The following FRMPD4 variants were observed in gnomAD, a reference collection of about 807,000 sequenced individuals.
The protein encoded by FRMPD4 is FERM and PDZ domain-containing protein 4.
FRMPD4 carries 22 observed loss-of-function variants against 94.1 expected under a neutral mutation model. That is an observed-to-expected ratio of 0.23 (90% CI 0.17 to 0.33). FRMPD4 has a LOEUF of 0.33. FRMPD4 is among the 10% of genes least tolerant of loss of function. FRMPD4 has a pLI of 1.00. For synonymous variants in FRMPD4, 631 were observed against 548.6 expected (o/e 1.15, Z -2.10); for missense variants, 1,111 against 1,339.9 (o/e 0.83, Z 2.67).
intron 2 of FRMPD4, among the ~76,000 whole-genome samples, chrX:12,596,400 C>T (rs2059031276): frequency 1.8e-5 from 2 of 111,760 alleles, no homozygotes; most frequent in African/African-American, 6.5e-5. Flanking sequence ...TCTTTAATTA[C>T]TTTCATATTT....
chrX:12,482,430 C>T (rs756168331), intron 1 of FRMPD4, among the ~76,000 whole-genome samples: 4 of 111,773 alleles, frequency 3.6e-5, no homozygotes, highest in Non-Finnish European at 7.5e-5. Context: ...TTCTTGTGTT[C>T]ATTTAACAAA....
intron 2 of FRMPD4, among the ~76,000 whole-genome samples, chrX:12,533,993 C>T (rs756279980): frequency 9.8e-5 from 11 of 112,777 alleles, no homozygotes; most frequent in African/African-American, 2.6e-4. Flanking sequence ...AGAGTCTTCA[C>T]GGAATCCCCT....
chrX:12,091,978 T>TGGC (rs1359608998), intron 3 of FRMPD4, among the ~76,000 whole-genome samples: 2 of 111,848 alleles, frequency 1.8e-5, no homozygotes, highest in African/African-American at 6.5e-5. Flanking sequence ...GTGGTGGTGG[T>TGGC]GGCAGCTGGC....
intron 1 of FRMPD4, among the ~76,000 whole-genome samples, chrX:12,208,128 A>G (rs151333628): frequency 1.3e-3 from 150 of 111,894 alleles, no homozygotes; most frequent in Middle Eastern, 4.6e-3. Flanking sequence ...CACTTGTAAT[A>G]TAATGGTCTG....
At chrX:12,488,575 G>A (rs2057761050) in intron 1 of FRMPD4, among the ~76,000 whole-genome samples, 2 of 111,803 alleles carry the variant, frequency 1.8e-5, no homozygotes, top group Non-Finnish European at 3.8e-5. Context: ...GCAGGTATGT[G>A]ATGGGTTGAA....
At chrX:11,947,075 T>TAA (rs2054193234) in intron 3 of FRMPD4, among the ~76,000 whole-genome samples, 1 of 111,539 alleles carries the variant, frequency 9.0e-6, no homozygotes, top group Admixed American at 9.6e-5. Context: ...AATACACTCT[T>TAA]ACAGCCTGGG....
At chrX:12,678,678 A>G (rs1347396098) in intron 5 of FRMPD4, among the ~76,000 whole-genome samples, 5 of 111,904 alleles carry the variant, frequency 4.5e-5, no homozygotes, top group Non-Finnish European at 9.4e-5. Context: ...ATACAAAATT[A>G]GCCAGGTGTG....
intron 3 of FRMPD4, among the ~76,000 whole-genome samples, chrX:11,933,492 A>T: frequency 1.8e-5 from 2 of 112,864 alleles, no homozygotes; most frequent in East Asian, 5.6e-4. Flanking sequence ...AGTAGCAGTC[A>T]GCAAGGAAAA....
chrX:12,607,022 C>T (rs1180027710), intron 2 of FRMPD4, among the ~76,000 whole-genome samples: 1 of 111,382 alleles, frequency 9.0e-6, no homozygotes, highest in Non-Finnish European at 1.9e-5. Context: ...CATTGGGGTC[C>T]ACTGTGGGAG....
intron 1 of FRMPD4, among the ~76,000 whole-genome samples, chrX:11,830,983 G>T (rs943723671): frequency 1.8e-5 from 2 of 110,836 alleles, no homozygotes; most frequent in African/African-American, 6.6e-5. Flanking sequence ...AAGGAAGTAG[G>T]TTAATTCTTC....
At chrX:12,417,935 A>G (rs780521202) in intron 1 of FRMPD4, among the ~76,000 whole-genome samples, 125 of 98,442 alleles carry the variant, frequency 1.3e-3, no homozygotes, top group African/African-American at 4.3e-3. Context: ...CAGAGCTTGC[A>G]GTGAGCCAAG....
At chrX:12,223,964 A>G (rs1327643599) in intron 1 of FRMPD4, among the ~76,000 whole-genome samples, 1 of 110,831 alleles carries the variant, frequency 9.0e-6, no homozygotes, top group African/African-American at 3.3e-5. Flanking sequence ...CAGCCTCAGC[A>G]CTATTGACAT....
At chrX:12,692,365 T>C (rs2060087888) in intron 8 of FRMPD4, among the ~76,000 whole-genome samples, 1 of 112,572 alleles carries the variant, frequency 8.9e-6, no homozygotes, top group African/African-American at 3.2e-5. Context: ...TATATGCCTT[T>C]GAAATCAATG....
At chrX:12,322,328 C>G (rs1325709511) in intron 1 of FRMPD4, among the ~76,000 whole-genome samples, 1 of 111,206 alleles carries the variant, frequency 9.0e-6, no homozygotes, top group Non-Finnish European at 1.9e-5. Context: ...TATCTCCCAA[C>G]AAGGAAATAA....
intron 2 of FRMPD4, among the ~76,000 whole-genome samples, chrX:12,523,745 A>C (rs1034421008): frequency 2.7e-5 from 3 of 111,617 alleles, no homozygotes; most frequent in African/African-American, 9.8e-5. Flanking sequence ...TTTGCAATTC[A>C]TGAAACCGGG....
intron 3 of FRMPD4, among the ~76,000 whole-genome samples, chrX:12,024,154 G>T (rs1180881652): frequency 8.9e-6 from 1 of 111,800 alleles, no homozygotes; most frequent in East Asian, 2.8e-4. Flanking sequence ...AGCTCTGAAA[G>T]ATTGTCTTTT....
chrX:12,211,741 G>A (rs2056757243), intron 1 of FRMPD4, among the ~76,000 whole-genome samples: 1 of 110,797 alleles, frequency 9.0e-6, no homozygotes, highest in South Asian at 3.8e-4. Flanking sequence ...GACCTGATAG[G>A]GCAAATCAGT....
rs143118557 is a variant in FRMPD4 at position 12,670,081 on chromosome X, G to C, written c.423-4782G>C. Among the ~76,000 whole-genome samples the C allele has an allele frequency of 2.8e-3, 311 of 111,941 alleles. 1 individual carries two copies. The highest frequency in any genetic ancestry group is 3.8e-3 in the Non-Finnish European group (201 of 53,167). ...GTGCATATCAGCTTCCCTTTCCAGA[G>C]TGAACAAATAAATTCAGTGCCACTG... is the stretch of plus-strand genomic sequence containing the variant. On this transcript the variant is annotated intron_variant, in intron 4 of 16. Transcript: ENST00000675598.
chrX:12,538,499 T>G (rs1421050881), intron 2 of FRMPD4, among the ~76,000 whole-genome samples: 24 of 111,676 alleles, frequency 2.1e-4, no homozygotes, highest in African/African-American at 7.8e-4. Context: ...GCACAGAGTT[T>G]GAGATCTGAG....
Sources: gnomAD v4.1 joint callset for allele counts (sites outside exome capture counted in the v4.1 genomes callset) on GRCh38, gnomAD v4.1.1 for gene constraint, MANE v1.5 for transcripts, NCBI Gene and HGNC (gene_info 2026-07-23, HGNC 2026-07-21) for gene names.